COL25A1: variants seen among roughly 807,000 people sequenced by gnomAD.
COL25A1 encodes collagen type XXV alpha 1 chain, also known as collagen alpha-1(XXV) chain.
COL25A1 carries 103 observed loss-of-function variants against 128.4 expected under a neutral mutation model. The ratio of observed to expected loss-of-function variants is 0.80; its 90% CI spans 0.68 to 0.94. The LOEUF (loss-of-function observed/expected upper bound fraction) is 0.94. Among genes scored for constraint, COL25A1 ranks in the 40% least tolerant of loss-of-function variants. COL25A1 has a pLI of 0.00. For synonymous variants in COL25A1, 279 were observed against 277.2 expected (o/e 1.01, Z -0.06); for missense variants, 745 against 840.0 (o/e 0.89, Z 1.40).
intron 3 of COL25A1, among the ~76,000 whole-genome samples, chr4:109,207,690 T>C (rs1317654945): frequency 1.3e-5 from 2 of 152,214 alleles, no homozygotes; most frequent in Admixed American, 6.5e-5. Flanking sequence ...ATTCAAAATG[T>C]GTGCTAATTC....
At chr4:108,930,872 G>T (rs2125914663) in intron 11 of COL25A1, among the ~76,000 whole-genome samples, 1 of 152,244 alleles carries the variant, frequency 6.6e-6, no homozygotes, top group South Asian at 2.1e-4. Flanking sequence ...TTTTCCTCTT[G>T]CCCTAAAACT....
intron 3 of COL25A1, among the ~76,000 whole-genome samples, chr4:109,147,989 A>G (rs1771119647): frequency 6.6e-6 from 1 of 152,186 alleles, no homozygotes; most frequent in Non-Finnish European, 1.5e-5. Flanking sequence ...TTCAGGAGAG[A>G]ATAGTCCCTT....
At chr4:108,860,041 T>C (rs1463878673) in intron 23 of COL25A1, among the ~76,000 whole-genome samples, 1 of 152,196 alleles carries the variant, frequency 6.6e-6, no homozygotes, top group Non-Finnish European at 1.5e-5. Flanking sequence ...CATGTAAAAT[T>C]TTATTTGCTT....
intron 6 of COL25A1, among the ~76,000 whole-genome samples, chr4:109,004,773 TGCC>T (rs1755804823): frequency 6.6e-6 from 1 of 152,194 alleles, no homozygotes; most frequent in African/African-American, 2.4e-5. Context: ...GCTGAGCAGA[TGCC>T]AGCACTATGC....
At chr4:108,831,689 A>AGGGG (rs1733129653) in intron 32 of COL25A1, among the ~76,000 whole-genome samples, 1 of 22,262 alleles carries the variant, frequency 4.5e-5, no homozygotes, top group African/African-American at 1.1e-4. Flanking sequence ...AGAGAGGGGG[A>AGGGG]GAGAGAGAGA....
chr4:109,163,481 G>A (rs752443461), intron 3 of COL25A1, among the ~76,000 whole-genome samples: 7 of 152,168 alleles, frequency 4.6e-5, no homozygotes, highest in Non-Finnish European at 8.8e-5. Flanking sequence ...AAGAGAGGTA[G>A]GTTAGCAACA....
At chr4:109,069,850 A>G (rs555864778) in intron 3 of COL25A1, among the ~76,000 whole-genome samples, 91 of 152,344 alleles carry the variant, frequency 6.0e-4, no homozygotes, top group Non-Finnish European at 1.1e-3. Context: ...CTTTATTCAT[A>G]TATGAAATAA....
intron 3 of COL25A1, among the ~76,000 whole-genome samples, chr4:109,103,525 C>T (rs1766119377): frequency 6.6e-6 from 1 of 152,118 alleles, no homozygotes; most frequent in Non-Finnish European, 1.5e-5. Flanking sequence ...TTTTTATTTG[C>T]CCATATAACC....
chr4:109,044,886 G>C (rs557644239), intron 5 of COL25A1, among the ~76,000 whole-genome samples: 1 of 152,242 alleles, frequency 6.6e-6, no homozygotes, highest in Non-Finnish European at 1.5e-5. Context: ...TCAGATTTTA[G>C]TTCAGGAAAA....
chr4:109,035,158 G>A (rs1759221577), intron 5 of COL25A1, among the ~76,000 whole-genome samples: 3 of 152,140 alleles, frequency 2.0e-5, no homozygotes, highest in Non-Finnish European at 4.4e-5. Context: ...TTAGTAGTAT[G>A]CTGCCTGCCA....
chr4:109,070,546 T>G (rs954492199), intron 3 of COL25A1, among the ~76,000 whole-genome samples: 2 of 152,130 alleles, frequency 1.3e-5, no homozygotes, highest in Admixed American at 6.5e-5. Context: ...CTATTTCTTT[T>G]TTTATTATAC....
chr4:109,263,199 G>A (rs923245971), intron 3 of COL25A1, among the ~76,000 whole-genome samples: 6 of 152,174 alleles, frequency 3.9e-5, no homozygotes, highest in Non-Finnish European at 7.4e-5. Flanking sequence ...TGTAAATTAC[G>A]AAGTCTTTTA....
intron 5 of COL25A1, among the ~76,000 whole-genome samples, chr4:109,010,615 G>A (rs1756483284): frequency 6.6e-6 from 1 of 152,046 alleles, no homozygotes; most frequent in Non-Finnish European, 1.5e-5. Flanking sequence ...ATGACCCTAG[G>A]GTTTTAGCAT....
intron 3 of COL25A1, among the ~76,000 whole-genome samples, chr4:109,083,830 A>T (rs1303582524): frequency 6.6e-6 from 1 of 152,160 alleles, no homozygotes; most frequent in African/African-American, 2.4e-5. Context: ...AATCTTCCAC[A>T]AAGAAAGATA....
intron 3 of COL25A1, among the ~76,000 whole-genome samples, chr4:109,288,392 G>C (rs1295763081): frequency 6.6e-6 from 1 of 152,130 alleles, no homozygotes; most frequent in African/African-American, 2.4e-5. Flanking sequence ...GCATGGAATT[G>C]ATTTACTCAC....
At chr4:109,060,654 T>C (rs1375033591) in intron 3 of COL25A1, among the ~76,000 whole-genome samples, 1 of 151,650 alleles carries the variant, frequency 6.6e-6, no homozygotes, top group Non-Finnish European at 1.5e-5. Flanking sequence ...CTTCCACACG[T>C]TGGGTGCTCA....
chr4:108,871,378 C>G (rs1322365965), intron 19 of COL25A1, among the ~76,000 whole-genome samples: 3 of 152,122 alleles, frequency 2.0e-5, no homozygotes, highest in Admixed American at 2.0e-4. Context: ...TGCAGTGGCA[C>G]AATCTCGGCT....
At chr4:108,920,081 G>A (rs567769979) in intron 12 of COL25A1, among the ~76,000 whole-genome samples, 1 of 152,072 alleles carries the variant, frequency 6.6e-6, no homozygotes, top group Non-Finnish European at 1.5e-5. Context: ...GAATTTAATC[G>A]TCAATTCTGA....
Position 109,174,280 on chromosome 4 carries a change from G to A in COL25A1, c.368-124101C>T, listed in dbSNP as rs187991027. 1.5e-3 allele frequency among the ~76,000 whole-genome samples: 227 copies of A among 152,284 alleles called. 4 individuals are homozygous for A. Among genetic ancestry groups the A allele is most frequent in the Admixed American group, 0.014 (221 of 15,300 alleles). On this transcript the variant is annotated intron_variant, in intron 3 of 37. Coordinates refer to ENST00000399132, the MANE Select transcript of COL25A1 (RefSeq NM_198721.4). The stretch of plus-strand genomic sequence containing the variant: ...CCTATTGTAAATGTTGCCTTGACAT[G>A]TGGTGAAATCAGGAGGGCCTCAAAT...
Sources: gnomAD v4.1 joint callset for allele counts (sites outside exome capture counted in the v4.1 genomes callset) on GRCh38, gnomAD v4.1.1 for gene constraint, MANE v1.5 for transcripts, NCBI Gene and HGNC (gene_info 2026-07-23, HGNC 2026-07-21) for gene names.